CPNE8: variants seen among roughly 807,000 people sequenced by gnomAD.
The protein encoded by CPNE8 is copine 8.
In CPNE8, 45 loss-of-function variants were observed where a neutral mutation model predicts 81.5. The observed-to-expected ratio is 0.55, with a 90% CI of 0.44 to 0.71. The LOEUF is 0.71. CPNE8 is among the 30% of genes least tolerant of loss of function. CPNE8 has a pLI of 0.00. For missense variants in CPNE8, 594 were observed against 672.1 expected (o/e 0.88, Z 1.28); for synonymous variants, 252 against 226.3 (o/e 1.11, Z -1.02).
At chr12:38,905,846 AGGGG>A (rs1944563630), upstream of CPNE8, 2 of 985,190 alleles carry the variant, frequency 2.0e-6, no homozygotes, top group Non-Finnish European at 2.4e-6. Flanking sequence ...TCCTGGCTGG[AGGGG>A]TCAGGCTTGG....
chr12:38,846,224 G>T (rs141126562), intron 4 of CPNE8, among the ~76,000 whole-genome samples: 1 of 152,180 alleles, frequency 6.6e-6, no homozygotes, highest in East Asian at 1.9e-4. Context: ...AAAGCTTATA[G>T]GATCTCCAAT....
rs561218406 is a variant in CPNE8, at chr12:38,703,438, G to A, written c.915-517C>T. ...CCTGATAAAACCCTCAAGAAGCTAG[G>A]CATTGAAGGAACACTCCACGAAATA... On this transcript the variant is annotated intron_variant, in intron 13 of 19. Coordinates refer to ENST00000331366, the MANE Select transcript of CPNE8 (RefSeq NM_153634.3). Among the ~76,000 whole-genome samples, 68 of 152,068 alleles carry A rather than the reference G, an allele frequency of 4.5e-4. 1 individual carries two copies. In the South Asian group the frequency reaches 7.9e-3, roughly 18 times the overall value.
At chr12:38,760,352 G>A (rs1941546335) in intron 10 of CPNE8, among the ~76,000 whole-genome samples, 1 of 151,174 alleles carries the variant, frequency 6.6e-6, no homozygotes, top group Admixed American at 6.6e-5. Flanking sequence ...GATATGCAGA[G>A]GACTACAGTG....
Position 38,829,081 on chromosome 12 carries a change from ATC to A in CPNE8, c.407+296_407+297del, listed in dbSNP as rs749739847. ...ATATTTACTAACCCAAAAGAGTAAA[ATC>A]TCTTTTTCAAGAAGTACGAAATCTG... On this transcript the variant is annotated intron_variant, in intron 6 of 19. Coordinates refer to ENST00000331366, the MANE Select transcript of CPNE8 (RefSeq NM_153634.3). 3.3e-5 allele frequency among the ~76,000 whole-genome samples: 5 copies of A among 152,320 alleles called. No homozygotes were observed. The East Asian group carries it at 5.8e-4, about 18-fold the overall frequency.
chr12:38,756,956 A>G (rs1018548666), intron 10 of CPNE8, among the ~76,000 whole-genome samples: 4 of 152,178 alleles, frequency 2.6e-5, no homozygotes, highest in African/African-American at 9.7e-5. Context: ...TATTGATTCT[A>G]TATTAAAATG....
intron 3 of CPNE8, among the ~76,000 whole-genome samples, chr12:38,867,344 G>C (rs556759358): frequency 8.1e-5 from 11 of 135,276 alleles, no homozygotes; most frequent in Admixed American, 6.7e-4. Context: ...GTGTGTGAGA[G>C]AGAGAGAGAG....
At chr12:38,683,052 A>G (rs570166025) in intron 16 of CPNE8, among the ~76,000 whole-genome samples, 1 of 152,290 alleles carries the variant, frequency 6.6e-6, no homozygotes, top group African/African-American at 2.4e-5. Context: ...AAAACCTTCA[A>G]ATTTTATAAA....
rs1006112330 is a variant in CPNE8 at position 38,846,159 on chromosome 12, G to A, written c.290+2400C>T. 3.3e-5 allele frequency among the ~76,000 whole-genome samples: 5 copies of A among 152,090 alleles called. No homozygotes were observed. In the South Asian group the frequency reaches 8.3e-4, roughly 25 times the overall value. ...GTATCAGGTAATGAATGAAGAGCAG[G>A]ACATGGATCTAAAAATCAGAGCTAA... On this transcript the variant is annotated intron_variant, in intron 4 of 19. Coordinates refer to ENST00000331366, the MANE Select transcript of CPNE8 (RefSeq NM_153634.3).
intron 8 of CPNE8, among the ~76,000 whole-genome samples, chr12:38,764,681 T>C (rs951456854): frequency 1.3e-5 from 2 of 149,840 alleles, no homozygotes; most frequent in Non-Finnish European, 3.0e-5. Context: ...AAGGCAGAGC[T>C]GTATGTTGGT....
intron 2 of CPNE8, among the ~76,000 whole-genome samples, chr12:38,873,838 C>G (rs572124864): frequency 2.0e-5 from 3 of 152,342 alleles, no homozygotes; most frequent in South Asian, 4.1e-4. Flanking sequence ...TCTCACTTTA[C>G]AAGTTATCTC....
At chr12:38,710,514 C>T (rs893844924) in intron 13 of CPNE8, among the ~76,000 whole-genome samples, 2 of 152,122 alleles carry the variant, frequency 1.3e-5, no homozygotes, top group Non-Finnish European at 2.9e-5. Flanking sequence ...GTAACAACCA[C>T]ATTGAAGGAG....
At chr12:38,751,900 C>A (rs144376726) in intron 10 of CPNE8, among the ~76,000 whole-genome samples, 1 of 152,044 alleles carries the variant, frequency 6.6e-6, no homozygotes, top group Non-Finnish European at 1.5e-5. Context: ...TCTTTTTCAC[C>A]AGGCTGCATT....
intron 3 of CPNE8, among the ~76,000 whole-genome samples, chr12:38,870,854 A>AAAAG (rs1337295283): frequency 5.3e-5 from 8 of 151,718 alleles, no homozygotes; most frequent in Non-Finnish European, 1.0e-4. Context: ...AAAGTTAAAA[A>AAAAG]AAAGAAATTC....
At chr12:38,856,471 G>T (rs1449397396) in intron 3 of CPNE8, among the ~76,000 whole-genome samples, 1 of 151,966 alleles carries the variant, frequency 6.6e-6, no homozygotes, top group Admixed American at 6.6e-5. Context: ...AATACAAGTA[G>T]AACAAATTCA....
intron 5 of CPNE8, among the ~76,000 whole-genome samples, 178 bp downstream of exon 5, chr12:38,839,738 G>A (rs533466713): frequency 1.3e-5 from 2 of 152,112 alleles, no homozygotes; most frequent in South Asian, 2.1e-4. Context: ...TAAAGGTAAC[G>A]TTTTTAATAA....
chr12:38,877,254 G>A (rs1232682233), intron 1 of CPNE8, among the ~76,000 whole-genome samples: 5 of 152,152 alleles, frequency 3.3e-5, no homozygotes, highest in Admixed American at 6.5e-5. Flanking sequence ...AAAGAGAGAT[G>A]CTGCTTATAG....
upstream of CPNE8, chr12:38,906,255 C>T: frequency 4.1e-6 from 4 of 983,012 alleles, no homozygotes; most frequent in Non-Finnish European, 4.8e-6. Flanking sequence ...GAGTTGGGGA[C>T]GGTGGGGCAT....
chr12:38,803,618 C>T (rs2136966397), intron 6 of CPNE8, among the ~76,000 whole-genome samples: 1 of 144,634 alleles, frequency 6.9e-6, no homozygotes, highest in African/African-American at 2.5e-5. Context: ...TGCCCTCTCT[C>T]ACCGCTCCTA....
At chr12:38,806,400 C>T (rs1442737217) in intron 6 of CPNE8, among the ~76,000 whole-genome samples, 1 of 149,124 alleles carries the variant, frequency 6.7e-6, no homozygotes, top group African/African-American at 2.4e-5. Flanking sequence ...AAAGCTTATC[C>T]ACCATGATCA....
Sources: gnomAD v4.1 joint callset for allele counts (sites outside exome capture counted in the v4.1 genomes callset) on GRCh38, gnomAD v4.1.1 for gene constraint, MANE v1.5 for transcripts, NCBI Gene and HGNC (gene_info 2026-07-23, HGNC 2026-07-21) for gene names.